SLC8A1: variants seen among roughly 807,000 people sequenced by gnomAD.
The protein encoded by SLC8A1 is solute carrier family 8 member A1.
In SLC8A1, 18 loss-of-function variants were observed where a neutral mutation model predicts 68.3. That is an observed-to-expected ratio of 0.26 (90% CI 0.18 to 0.39). The LOEUF (loss-of-function observed/expected upper bound fraction) is 0.39, where lower values mean the gene tolerates loss of function less well. SLC8A1 is among the 10% of genes least tolerant of loss of function. The pLI, the probability that SLC8A1 is intolerant of heterozygous loss-of-function variation, is 1.00. For missense variants in SLC8A1, 985 were observed against 1,156.7 expected (o/e 0.85, Z 2.15); for synonymous variants, 475 against 415.5 (o/e 1.14, Z -1.74).
At chr2:40,132,743 A>G (rs62150874) in intron 7 of SLC8A1, among the ~76,000 whole-genome samples, 56,570 of 150,986 alleles carry the variant, frequency 0.37, 11,837 homozygotes, top group Middle Eastern at 0.52. Flanking sequence ...TTTTCAGGGG[A>G]AGGATCTAAG....
At chr2:40,509,913 C>T (rs527362185) in intron 1 of SLC8A1, among the ~76,000 whole-genome samples, 5 of 152,080 alleles carry the variant, frequency 3.3e-5, no homozygotes, top group Admixed American at 6.5e-5. Flanking sequence ...CAGCAATCTC[C>T]GCCTCCCAGG....
chr2:40,431,252 C>T lies in SLC8A1; in HGVS notation c.-24-948G>A, dbSNP rs72798675. ...TCACCAACCTTAAAATGTTCCTTCT[C>T]GGTGTCGGTCATATTTTCCATGGTC... On this transcript the variant is annotated intron_variant, in intron 1 of 7. Transcript: ENST00000406785. Among the ~76,000 whole-genome samples the T allele has an allele frequency of 7.5e-3, 1,146 of 152,102 alleles. 5 individuals are homozygous for T. Among genetic ancestry groups the T allele is most frequent in the Non-Finnish European group, 0.012 (822 of 67,988 alleles).
At chr2:40,194,136 T>G (rs539997998) in intron 2 of SLC8A1, among the ~76,000 whole-genome samples, 13 of 152,276 alleles carry the variant, frequency 8.5e-5, no homozygotes, top group South Asian at 6.2e-4. Flanking sequence ...AAAGAAAATC[T>G]ATCTACCATA....
chr2:40,319,879 G>T (rs935155808), intron 2 of SLC8A1, among the ~76,000 whole-genome samples: 1 of 152,060 alleles, frequency 6.6e-6, no homozygotes, highest in Non-Finnish European at 1.5e-5. Context: ...TCCTTCTGTG[G>T]AGAGAGCTTA....
At chr2:40,323,776 G>C (rs1363396407) in intron 2 of SLC8A1, among the ~76,000 whole-genome samples, 1 of 152,018 alleles carries the variant, frequency 6.6e-6, no homozygotes, top group Non-Finnish European at 1.5e-5. Flanking sequence ...CTGAGATTTA[G>C]AAATATTTTT....
chr2:40,250,991 T>C lies in SLC8A1; in HGVS notation c.1809-73136A>G, dbSNP rs2062656625. On this transcript the variant is annotated intron_variant, in intron 2 of 7. Transcript: ENST00000406785. ...ATCAAATGAAGGCGTCGGGGGAGAATATATACAGTCTACAGAACTCGGGAG... is the reference window on the plus strand; with the variant it reads ...ATCAAATGAAGGCGTCGGGGGAGAACATATACAGTCTACAGAACTCGGGAG... 3 of 152,034 alleles carry C rather than the reference T, an allele frequency of 2.0e-5. No homozygotes were observed. The South Asian group carries it at 6.2e-4, about 32-fold the overall frequency. 9.4% of individuals were successfully genotyped at this position (152,034 alleles called of 1,614,324 possible).
chr2:40,338,343 A>G (rs938234686), intron 2 of SLC8A1, among the ~76,000 whole-genome samples: 4 of 152,176 alleles, frequency 2.6e-5, no homozygotes, highest in Admixed American at 6.6e-5. Flanking sequence ...GTGTGTGTGT[A>G]TATATGTCTG....
chr2:40,288,913 T>C (rs1021128880), intron 2 of SLC8A1, among the ~76,000 whole-genome samples: 3 of 149,196 alleles, frequency 2.0e-5, no homozygotes, highest in Non-Finnish European at 4.4e-5. Context: ...TTGCCTGGGC[T>C]GGTCTCAATC....
intron 2 of SLC8A1, among the ~76,000 whole-genome samples, chr2:40,393,736 A>G (rs1686020797): frequency 6.6e-6 from 1 of 152,158 alleles, no homozygotes. Context: ...TGTAACAATT[A>G]GATACTACAG....
chr2:40,407,890 C>T (rs1434026774), intron 2 of SLC8A1, among the ~76,000 whole-genome samples: 1 of 152,214 alleles, frequency 6.6e-6, no homozygotes, highest in Non-Finnish European at 1.5e-5. Flanking sequence ...TCAGTCTCTT[C>T]TGAGGTGACT....
At chr2:40,283,763 T>C (rs865986045) in intron 2 of SLC8A1, among the ~76,000 whole-genome samples, 53 of 152,204 alleles carry the variant, frequency 3.5e-4, no homozygotes, top group African/African-American at 1.1e-3. Flanking sequence ...ATGCCCACTA[T>C]ATCCTTGACA....
intron 2 of SLC8A1, among the ~76,000 whole-genome samples, chr2:40,388,892 G>A (rs1481834110): frequency 6.6e-6 from 1 of 152,092 alleles, no homozygotes; most frequent in Non-Finnish European, 1.5e-5. Context: ...TAAGAAAATT[G>A]CTTAAGACCT....
chr2:40,256,965 A>C (rs1169147605), intron 2 of SLC8A1, among the ~76,000 whole-genome samples: 2 of 152,128 alleles, frequency 1.3e-5, no homozygotes, highest in African/African-American at 2.4e-5. Flanking sequence ...TCAGCCCCAA[A>C]AGTCTCTGCA....
At position 40,296,432 on chromosome 2, in the gene SLC8A1, T is replaced by C. The variant is rs188908563; in HGVS notation, c.1809-118577A>G. On this transcript the variant is annotated intron_variant, in intron 2 of 7. Coordinates refer to ENST00000406785, the Ensembl canonical transcript of SLC8A1. ...ACAGAAAAAAGTCAAAATTTGCCTC[T>C]ATATAGAAGGCTAAAAACACTTTTA... Among the ~76,000 whole-genome samples, 350 of 152,296 alleles carry C rather than the reference T, an allele frequency of 2.3e-3. 2 individuals are homozygous for C. The highest frequency in any genetic ancestry group is 6.8e-3 in the Middle Eastern group (2 of 294).
intron 2 of SLC8A1, among the ~76,000 whole-genome samples, chr2:40,420,798 C>T (rs1695287581): frequency 6.6e-6 from 1 of 152,120 alleles, no homozygotes; most frequent in South Asian, 2.1e-4. Context: ...ACATATTCCT[C>T]CTTGTGTATG....
chr2:40,396,550 C>A (rs965674508), intron 2 of SLC8A1, among the ~76,000 whole-genome samples: 1 of 151,780 alleles, frequency 6.6e-6, no homozygotes, highest in African/African-American at 2.4e-5. Flanking sequence ...TAACACGCAA[C>A]ACAACACTTT....
intron 2 of SLC8A1, among the ~76,000 whole-genome samples, chr2:40,410,018 A>G (rs981219229): frequency 6.6e-6 from 1 of 152,010 alleles, no homozygotes; most frequent in Non-Finnish European, 1.5e-5. Flanking sequence ...AAAAAGGGGG[A>G]GGGGAGAAGG....
chr2:40,106,198 C>G (rs747492907), exon 8 of SLC8A1: 3 of 152,194 alleles, frequency 2.0e-5, no homozygotes, highest in African/African-American at 4.8e-5. Context: ...TTTCACTTTT[C>G]TCTCACCATG....
chr2:40,328,277 T>G (rs773443764), intron 2 of SLC8A1, among the ~76,000 whole-genome samples: 3 of 152,192 alleles, frequency 2.0e-5, no homozygotes, highest in African/African-American at 7.2e-5. Context: ...TCCCCAAGGA[T>G]CTTTCCATTA....
Sources: gnomAD v4.1 joint callset for allele counts (sites outside exome capture counted in the v4.1 genomes callset) on GRCh38, gnomAD v4.1.1 for gene constraint, MANE v1.5 for transcripts, NCBI Gene and HGNC (gene_info 2026-07-23, HGNC 2026-07-21) for gene names.